The following ARGLU1 variants were observed in gnomAD, a reference collection of about 807,000 sequenced individuals.
The protein encoded by ARGLU1 is arginine and glutamate-rich protein 1.
A neutral mutation model predicts 37.6 loss-of-function variants in ARGLU1; 9 were observed. That is an observed-to-expected ratio of 0.24 (90% confidence interval 0.14 to 0.42). The LOEUF is 0.42. Ranked by LOEUF, ARGLU1 falls within the 10% of genes least tolerant of loss-of-function variation. The pLI is 1.00. For missense variants in ARGLU1, 211 were observed against 359.2 expected (o/e 0.59, Z 3.34); for synonymous variants, 166 against 138.5 (o/e 1.20, Z -1.39).
At chr13:106,560,987 T>C (rs1880785055) in intron 1 of ARGLU1, among the ~76,000 whole-genome samples, 1 of 152,236 alleles carries the variant, frequency 6.6e-6, no homozygotes, top group Non-Finnish European at 1.5e-5. Context: ...TATTCAGTGA[T>C]AACACACTAA....
intron 3 of ARGLU1, among the ~76,000 whole-genome samples, chr13:106,551,433 T>G (rs188675422): frequency 9.8e-5 from 15 of 152,332 alleles, no homozygotes; most frequent in Admixed American, 3.3e-4. Flanking sequence ...ATGTTCCTAA[T>G]TTGCTTCTGA....
chr13:106,562,999 AAAAAAAAAAC>A, intron 1 of ARGLU1, among the ~76,000 whole-genome samples: 1 of 131,740 alleles, frequency 7.6e-6, no homozygotes, highest in East Asian at 2.4e-4. Flanking sequence ...TCAAAAAAAA[AAAAAAAAAAC>A]AAAAAAAAAA....
chr13:106,564,108 T>C (rs1199912614), intron 1 of ARGLU1, among the ~76,000 whole-genome samples: 2 of 152,186 alleles, frequency 1.3e-5, no homozygotes. Context: ...GAAGATCTTT[T>C]GAACTGAATT....
chr13:106,563,621 T>C lies in ARGLU1; in HGVS notation c.347+3952A>G, dbSNP rs558003348. On this transcript the variant is annotated intron_variant, in intron 1 of 3. Transcript: ENST00000400198. ...GAGTTCAAGATCAGCCTGGGAAACA[T>C]AGTGACTCTGTCTCTACAAAAATAA... 7.9e-5 allele frequency among the ~76,000 whole-genome samples: 12 copies of C among 152,298 alleles called. No individual in the cohort carries two copies. In the South Asian group the frequency reaches 1.5e-3, roughly 18 times the overall value.
chr13:106,549,463 AT>A (rs1880479476), intron 3 of ARGLU1, among the ~76,000 whole-genome samples: 1 of 152,188 alleles, frequency 6.6e-6, no homozygotes. Context: ...AATGAAAAAA[AT>A]ATATTTGATA....
At chr13:106,559,763 A>T in intron 1 of ARGLU1, 106 bp from the exon 2 acceptor site, 1 of 1,243,266 alleles carries the variant, frequency 8.0e-7, no homozygotes, top group Non-Finnish European at 1.1e-6. Context: ...GATATTATTC[A>T]GTGATTTTTT....
chr13:106,567,735 T>C lies in ARGLU1; in HGVS notation c.185A>G (p.Asn62Ser), dbSNP rs1881016825. 9 of 1,611,512 alleles carry C rather than the reference T, an allele frequency of 5.6e-6. No individual in the cohort carries two copies. The highest frequency in any genetic ancestry group is 2.2e-5 in the South Asian group (2 of 90,918). ...CCGCTCGCGCCGGGACACGGCCGTG[T>C]TGGTGGAGCGCGAACGGGACCGCGA... ...RESRSRSRST[N>S]TAVSRRERDR... The change falls in exon 1 of 4, where the codon AAC (asparagine) becomes AGC (serine). Residue 62 changes from asparagine (N) to serine (S), a missense_variant. Asn to Ser is a conservative substitution (Grantham distance 46, BLOSUM62 1). Coordinates refer to ENST00000400198, the MANE Select transcript of ARGLU1 (RefSeq NM_018011.4). This position sits in a 1 kb window ranked among gnomAD's most constrained non-coding sequence, Gnocchi z 4.3.
At chr13:106,562,129 C>T (rs757889569) in intron 1 of ARGLU1, among the ~76,000 whole-genome samples, 1 of 152,188 alleles carries the variant, frequency 6.6e-6, no homozygotes, top group Non-Finnish European at 1.5e-5. Flanking sequence ...TGAAGCTTTG[C>T]AACAGGCAGG....
rs1335107034 is a variant in ARGLU1 at position 106,567,951 on chromosome 13, A to G, written c.-32T>C. The G allele has an allele frequency of 1.0e-5, 16 of 1,568,820 alleles. No individual in the cohort carries two copies. The highest frequency in any genetic ancestry group is 1.4e-5 in the Non-Finnish European group (16 of 1,168,636). On this transcript the variant is annotated 5_prime_UTR_variant, in exon 1 of 4. Transcript: ENST00000400198. The surrounding 1 kb of genome is among the most constrained non-coding windows in gnomAD (Gnocchi z 4.3). ...GGGAGACGCTCTAACCGCTCGCCTC[A>G]GGCCCCTCACGCGGCCAGTTCCCCT...
Position 106,544,060 on chromosome 13 carries a change from T to C in ARGLU1, c.758A>G (p.Lys253Arg). The C allele has an allele frequency of 6.2e-7, 1 of 1,606,888 alleles. No individual in the cohort carries two copies. The highest frequency in any genetic ancestry group is 8.5e-7 in the Non-Finnish European group (1 of 1,177,480). ...GGACTTCCCCTTGCCCAGGATAATT[T>C]TTTGTTCTTCTTTTTGTTGACGTTG... The part of the protein sequence containing the change: ...ERQRQQKEEQ[K>R]IILGKGKSRP... The change falls in exon 4 of 4, where the codon AAA becomes AGA. Residue 253 changes from lysine to arginine, a missense_variant. Physicochemically the swap from Lys to Arg is conservative, Grantham distance 26. Transcript: ENST00000400198.
intron 2 of ARGLU1, chr13:106,558,643 G>A: frequency 1.0e-6 from 1 of 985,358 alleles, no homozygotes; most frequent in Non-Finnish European, 1.2e-6. Context: ...AGCTTCAGTA[G>A]CAAATTACTG....
chr13:106,544,822 C>A (rs1566469711), intron 3 of ARGLU1, among the ~76,000 whole-genome samples: 1 of 152,114 alleles, frequency 6.6e-6, no homozygotes, highest in Non-Finnish European at 1.5e-5. Context: ...ACGACAGACC[C>A]AATTACCTGA....
intron 3 of ARGLU1, among the ~76,000 whole-genome samples, chr13:106,547,788 GTAAA>G (rs1381378225): frequency 2.7e-5 from 2 of 74,554 alleles, no homozygotes; most frequent in African/African-American, 1.1e-4. Flanking sequence ...TGGGGGTAAG[GTAAA>G]GGGACTTCAC....
At chr13:106,559,076 C>T in intron 2 of ARGLU1, 1 of 1,220,914 alleles carries the variant, frequency 8.2e-7, no homozygotes, top group Non-Finnish European at 1.0e-6. Context: ...GAATATACAA[C>T]CACAGGTGGA....
chr13:106,557,494 A>G lies in ARGLU1; in HGVS notation c.574-363T>C, dbSNP rs1880690546. On this transcript the variant is annotated intron_variant, in intron 2 of 3. Transcript: ENST00000400198. This position sits in a 1 kb window ranked among gnomAD's most constrained non-coding sequence, Gnocchi z 5.0. ...AATAAAGTGAATATTTGTCTCACCA[A>G]TTATGTATACCTACGTATTCTTTAC... 1 of 1,245,410 alleles carries G rather than the reference A, an allele frequency of 8.0e-7. No individual in the cohort carries two copies. The highest frequency in any genetic ancestry group is 3.0e-5 in the Admixed American group (1 of 33,874). The allele number at this position is 1,245,410 out of a possible 1,614,324, so 77.1% of individuals were successfully genotyped here.
At position 106,560,044 on chromosome 13, in the gene ARGLU1, A is replaced by G. The variant is rs1005103225; in HGVS notation, c.348-387T>C. On this transcript the variant is annotated intron_variant, in intron 1 of 3. Coordinates refer to ENST00000400198, the MANE Select transcript of ARGLU1 (RefSeq NM_018011.4). ...TTGCCAATCACTTCGTCTGGGGCTG[A>G]GCTACAGAGAAGGAGAAATTATGTA... is the stretch of plus-strand genomic sequence containing the variant. 1.4e-4 allele frequency among the ~76,000 whole-genome samples: 21 copies of G among 152,228 alleles called. 1 individual carries two copies. The highest frequency in any genetic ancestry group is 1.3e-3 in the Admixed American group (20 of 15,284).
intron 3 of ARGLU1, among the ~76,000 whole-genome samples, chr13:106,547,355 T>TA (rs1298343728): frequency 6.6e-6 from 1 of 152,226 alleles, no homozygotes; most frequent in Non-Finnish European, 1.5e-5. Flanking sequence ...TTACATTATG[T>TA]ACTTGTACAG....
At chr13:106,550,118 G>C (rs1880498267) in intron 3 of ARGLU1, among the ~76,000 whole-genome samples, 1 of 152,086 alleles carries the variant, frequency 6.6e-6, no homozygotes, top group African/African-American at 2.4e-5. Context: ...AGTTTATTAG[G>C]AATGATTACA....
Position 106,542,684 on chromosome 13 carries a change from T to C in ARGLU1, c.*1312A>G, listed in dbSNP as rs1880290856. On this transcript the variant is annotated 3_prime_UTR_variant, in exon 4 of 4. Coordinates refer to ENST00000400198, the MANE Select transcript of ARGLU1 (RefSeq NM_018011.4). ...AAAATATTTTCTCTACTTGATGACA[T>C]GTTTATGCATCTCAGGTAGCATTTT... The C allele has an allele frequency of 6.6e-6, 1 of 152,098 alleles. No homozygotes were observed. The highest frequency in any genetic ancestry group is 2.4e-5 in the African/African-American group (1 of 41,450). 9.4% of individuals were successfully genotyped at this position (152,098 alleles called of 1,614,324 possible). A position where few individuals can be genotyped will look rare whatever the true frequency, so the allele number is the denominator to read the frequency against.
Sources: gnomAD v4.1 joint callset for allele counts (sites outside exome capture counted in the v4.1 genomes callset) on GRCh38, gnomAD v4.1.1 for gene constraint, Gnocchi (gnomAD v3.1) non-coding constraint, MANE v1.5 for transcripts, NCBI Gene and HGNC (gene_info 2026-07-23, HGNC 2026-07-21) for gene names.